TLN2: variants seen among roughly 807,000 people sequenced by gnomAD.
TLN2 encodes the protein talin-2.
In TLN2, 118 loss-of-function variants were observed where a neutral mutation model predicts 294.7. The observed-to-expected ratio is 0.40, with a 90% CI of 0.34 to 0.47. TLN2 has a LOEUF of 0.47. TLN2 is among the 20% of genes least tolerant of loss of function. The probability of loss-of-function intolerance (pLI) is 0.84; values close to 1 mark genes in which losing one functional copy is unlikely to be tolerated. For synonymous variants in TLN2, 1,431 were observed against 1,304.5 expected (o/e 1.10, Z -2.09); for missense variants, 3,083 against 3,282.2 (o/e 0.94, Z 1.48).
chr15:62,533,019 C>T (rs923006432), intron 1 of TLN2, among the ~76,000 whole-genome samples: 4 of 151,788 alleles, frequency 2.6e-5, no homozygotes, highest in East Asian at 1.9e-4. Context: ...TTTGGGAGGC[C>T]GAGGCAGGCG....
chr15:62,616,692 C>T (rs2048340509), intron 2 of TLN2, among the ~76,000 whole-genome samples: 3 of 152,196 alleles, frequency 2.0e-5, no homozygotes, highest in Admixed American at 1.3e-4. Context: ...TGGGTAATTT[C>T]ACTGGGAACC....
At chr15:62,778,353 T>A (rs751980055) in intron 43 of TLN2, among the ~76,000 whole-genome samples, 4 of 152,194 alleles carry the variant, frequency 2.6e-5, no homozygotes, top group Non-Finnish European at 5.9e-5. Context: ...TCAGTAGATT[T>A]GTTTGGTTTT....
At chr15:62,614,581 G>A (rs1301350090) in intron 2 of TLN2, among the ~76,000 whole-genome samples, 2 of 152,056 alleles carry the variant, frequency 1.3e-5, no homozygotes, top group Non-Finnish European at 2.9e-5. Context: ...CTTCTTCGTT[G>A]TAAAAGGACT....
chr15:62,671,831 G>T (rs1009517614), intron 9 of TLN2, among the ~76,000 whole-genome samples: 1 of 152,032 alleles, frequency 6.6e-6, no homozygotes, highest in Non-Finnish European at 1.5e-5. Flanking sequence ...TATCCTGATG[G>T]TATCATTGAA....
At chr15:62,702,715 A>G (rs1403669212) in intron 18 of TLN2, 51 bp from the exon 19 acceptor site, 15 of 1,546,600 alleles carry the variant, frequency 9.7e-6, no homozygotes, top group African/African-American at 2.7e-5. Flanking sequence ...GTCTGATGGC[A>G]CTGGAGGAAA....
At chr15:62,798,444 C>T (rs1487805615) in intron 48 of TLN2, among the ~76,000 whole-genome samples, 1 of 152,018 alleles carries the variant, frequency 6.6e-6, no homozygotes, top group Admixed American at 6.6e-5. Flanking sequence ...TGGCTACTGG[C>T]TACTGAACAA....
intron 2 of TLN2, among the ~76,000 whole-genome samples, chr15:62,612,651 G>C (rs2048007994): frequency 6.6e-6 from 1 of 151,994 alleles, no homozygotes; most frequent in African/African-American, 2.4e-5. Context: ...TTTTTTTCTT[G>C]TTGTCACCAG....
intron 1 of TLN2, among the ~76,000 whole-genome samples, chr15:62,542,060 G>A (rs2041723595): frequency 6.6e-6 from 1 of 151,940 alleles, no homozygotes; most frequent in African/African-American, 2.4e-5. Context: ...ACATTATGCT[G>A]GGCCCTTTCT....
chr15:62,736,774 C>G (rs771573981), intron 28 of TLN2, 104 bp from the exon 29 acceptor site: 93 of 1,229,050 alleles, frequency 7.6e-5, no homozygotes, highest in Non-Finnish European at 9.9e-5. Flanking sequence ...GACTAATCTG[C>G]AGCTCCCCTT....
intron 1 of TLN2, among the ~76,000 whole-genome samples, chr15:62,497,303 A>T (rs553489815): frequency 6.6e-6 from 1 of 152,292 alleles, no homozygotes; most frequent in South Asian, 2.1e-4. Context: ...CTGGGGCAGC[A>T]TGTGAGAGTC....
At chr15:62,651,920 A>G in intron 5 of TLN2, 85 bp from the exon 6 acceptor site, 1 of 1,418,374 alleles carries the variant, frequency 7.1e-7, no homozygotes, top group African/African-American at 1.4e-5. Flanking sequence ...GATTTTTTTA[A>G]AATTCATTTT....
chr15:62,596,502 C>T (rs1290354402), intron 2 of TLN2, among the ~76,000 whole-genome samples: 2 of 151,968 alleles, frequency 1.3e-5, no homozygotes, highest in Non-Finnish European at 2.9e-5. Flanking sequence ...CTTTGGGAGG[C>T]CAAAGTGAGT....
intron 30 of TLN2, among the ~76,000 whole-genome samples, chr15:62,738,895 G>T (rs537929455): frequency 6.6e-6 from 1 of 152,178 alleles, no homozygotes; most frequent in African/African-American, 2.4e-5. Context: ...ATTAGCAAAG[G>T]CCACTAATAT....
chr15:62,581,844 G>C (rs1294277482), intron 1 of TLN2, among the ~76,000 whole-genome samples: 1 of 151,988 alleles, frequency 6.6e-6, no homozygotes, highest in Non-Finnish European at 1.5e-5. Context: ...AGGAGTTCCA[G>C]ACCAGCCTGG....
intron 1 of TLN2, among the ~76,000 whole-genome samples, chr15:62,565,315 T>C (rs899307673): frequency 1.3e-5 from 2 of 152,218 alleles, no homozygotes; most frequent in South Asian, 2.1e-4. Flanking sequence ...TTAGAAGATA[T>C]AGGGACAATT....
At chr15:62,600,385 T>G (rs936907739) in intron 2 of TLN2, among the ~76,000 whole-genome samples, 4 of 152,226 alleles carry the variant, frequency 2.6e-5, no homozygotes, top group African/African-American at 9.6e-5. Flanking sequence ...AGGTGCCACA[T>G]TAGAGGCCAG....
At chr15:62,538,979 A>G (rs2041518140) in intron 1 of TLN2, among the ~76,000 whole-genome samples, 1 of 152,224 alleles carries the variant, frequency 6.6e-6, no homozygotes, top group Non-Finnish European at 1.5e-5. Flanking sequence ...CTTAAAGTAT[A>G]GTAGCTTACT....
intron 1 of TLN2, among the ~76,000 whole-genome samples, chr15:62,550,666 A>G (rs1297938351): frequency 3.9e-5 from 6 of 152,178 alleles, no homozygotes; most frequent in African/African-American, 7.2e-5. Flanking sequence ...GCCTCTTTTC[A>G]TAGAATTGTT....
rs546473368 is a variant in TLN2 at position 62,666,750 on chromosome 15, A to G, written c.789-7077A>G. 5.3e-5 allele frequency among the ~76,000 whole-genome samples: 8 copies of G among 152,186 alleles called. No individual in the cohort carries two copies. The East Asian group carries it at 1.4e-3, about 26-fold the overall frequency. ...CACTTAACCAGAACTTCAGAACTTA[A>G]CTGCTACACTCAGTTGCAGACATTT... On this transcript the variant is annotated intron_variant, in intron 9 of 58. Transcript: ENST00000636159.
Sources: allele counts gnomAD v4.1 joint callset (sites outside exome capture counted in the v4.1 genomes callset), GRCh38; gene constraint gnomAD v4.1.1; transcripts MANE v1.5; gene names NCBI Gene and HGNC (gene_info 2026-07-23, HGNC 2026-07-21).